Variants in THSD4 observed in about 807,000 individuals in gnomAD.
THSD4 encodes thrombospondin type 1 domain containing 4, also known as thrombospondin type-1 domain-containing protein 4.
A neutral mutation model predicts 119.0 loss-of-function variants in THSD4; 69 were observed. The observed-to-expected ratio is 0.58, with a 90% confidence interval of 0.48 to 0.71. The LOEUF (loss-of-function observed/expected upper bound fraction) is 0.71. Among genes scored for constraint, THSD4 ranks in the 30% least tolerant of loss-of-function variants. THSD4 has a pLI of 0.00. For synonymous variants in THSD4, 524 were observed against 540.4 expected (o/e 0.97, Z 0.42); for missense variants, 1,393 against 1,391.1 (o/e 1.00, Z -0.02).
intron 7 of THSD4, among the ~76,000 whole-genome samples, chr15:71,611,643 G>A (rs1244246892): frequency 6.6e-6 from 1 of 152,238 alleles, no homozygotes; most frequent in African/African-American, 2.4e-5. Context: ...GGCGATTAAT[G>A]TTATGTGCAG....
chr15:71,626,350 T>C (rs1197710462), intron 7 of THSD4, among the ~76,000 whole-genome samples: 1 of 152,226 alleles, frequency 6.6e-6, no homozygotes, highest in Admixed American at 6.5e-5. Flanking sequence ...TTATATCTTA[T>C]TGAACAACAT....
intron 6 of THSD4, among the ~76,000 whole-genome samples, chr15:71,288,510 C>A (rs1046801680): frequency 1.3e-5 from 2 of 152,064 alleles, no homozygotes; most frequent in Non-Finnish European, 2.9e-5. Context: ...GGCTGAAAGT[C>A]AAAATAAATA....
chr15:71,192,092 C>T (rs760153968), intron 3 of THSD4, among the ~76,000 whole-genome samples: 24 of 151,846 alleles, frequency 1.6e-4, no homozygotes, highest in Middle Eastern at 3.4e-3. Context: ...TTAGTAGAGA[C>T]GGGGTTTCAC....
chr15:71,198,763 G>A (rs1482791567), intron 3 of THSD4, among the ~76,000 whole-genome samples: 16 of 152,206 alleles, frequency 1.1e-4, no homozygotes, highest in Admixed American at 9.8e-4. Context: ...TTGTAGCCAT[G>A]CATGTGGGGA....
At chr15:71,521,158 C>T (rs374508494) in intron 7 of THSD4, among the ~76,000 whole-genome samples, 25 of 152,286 alleles carry the variant, frequency 1.6e-4, no homozygotes, top group African/African-American at 5.1e-4. Context: ...TCTTCCACTA[C>T]GTGATCTAAA....
In THSD4 at chr15:71,512,775, T is replaced by A. The variant is rs531162824; in HGVS notation, c.1152+100952T>A. Among the ~76,000 whole-genome samples, 5 of 152,244 alleles carry A rather than the reference T, an allele frequency of 3.3e-5. No individual in the cohort carries two copies. In the East Asian group the frequency reaches 9.6e-4, roughly 29 times the overall value. ...TTTAAGAAATAAAAAGTATCCAGTA[T>A]CCCAGCAGGACAGAGCAACTGCGTA... On this transcript the variant is annotated intron_variant, in intron 7 of 17. Coordinates refer to ENST00000261862, the MANE Select transcript of THSD4 (RefSeq NM_024817.3).
At chr15:71,490,584 T>C (rs1220491688) in intron 7 of THSD4, among the ~76,000 whole-genome samples, 2 of 115,114 alleles carry the variant, frequency 1.7e-5, no homozygotes, top group Non-Finnish European at 3.5e-5. Flanking sequence ...AAAAAAACAT[T>C]AGCCAGGCAT....
intron 6 of THSD4, among the ~76,000 whole-genome samples, chr15:71,388,890 C>G (rs1402579517): frequency 1.3e-5 from 2 of 152,198 alleles, no homozygotes; most frequent in South Asian, 2.1e-4. Flanking sequence ...TAGGAGGTGA[C>G]CCGGTGGGAG....
At chr15:71,246,852 T>C (rs1463439532) in intron 5 of THSD4, among the ~76,000 whole-genome samples, 1 of 151,912 alleles carries the variant, frequency 6.6e-6, no homozygotes, top group Non-Finnish European at 1.5e-5. Flanking sequence ...TCAGACTGTA[T>C]GTGATGGACG....
At position 71,696,366 on chromosome 15, in the gene THSD4, A is replaced by G. The variant is rs562549018; in HGVS notation, c.1358-32183A>G. The stretch of plus-strand genomic sequence containing the variant: ...CACTCTTTTGGGAACTAACCCCTTT[A>G]CACTAGGACTAATACAATCTCATCA... On this transcript the variant is annotated intron_variant, in intron 8 of 17. Coordinates refer to ENST00000261862, the MANE Select transcript of THSD4 (RefSeq NM_024817.3). 2.9e-4 allele frequency among the ~76,000 whole-genome samples: 44 copies of G among 152,274 alleles called. No individual in the cohort carries two copies. The South Asian group carries it at 7.5e-3, about 26-fold the overall frequency.
chr15:71,506,599 G>T (rs1203598741), intron 7 of THSD4, among the ~76,000 whole-genome samples: 1 of 152,208 alleles, frequency 6.6e-6, no homozygotes, highest in African/African-American at 2.4e-5. Flanking sequence ...TCAACACAAG[G>T]TTATAGAAAT....
chr15:71,146,416 G>T (rs1260918286), intron 2 of THSD4, among the ~76,000 whole-genome samples: 3 of 147,066 alleles, frequency 2.0e-5, no homozygotes, highest in Non-Finnish European at 4.5e-5. Flanking sequence ...ATTTGCAGTT[G>T]TCTCATCCAC....
intron 8 of THSD4, among the ~76,000 whole-genome samples, chr15:71,723,397 A>T (rs1299055101): frequency 6.6e-6 from 1 of 152,210 alleles, no homozygotes; most frequent in African/African-American, 2.4e-5. Context: ...TTCTTGAATT[A>T]TAAGTAAGGC....
intron 6 of THSD4, among the ~76,000 whole-genome samples, chr15:71,353,341 G>A (rs760428260): frequency 9.2e-5 from 14 of 152,180 alleles, no homozygotes; most frequent in Non-Finnish European, 1.6e-4. Context: ...GATAAAAATT[G>A]TGTCCACTTT....
chr15:71,562,032 C>A (rs756041799), intron 7 of THSD4, among the ~76,000 whole-genome samples: 1 of 152,092 alleles, frequency 6.6e-6, no homozygotes, highest in Non-Finnish European at 1.5e-5. Flanking sequence ...TCTAGTCTAA[C>A]CTACTGATTT....
chr15:71,204,563 A>T (rs985512185), intron 3 of THSD4, among the ~76,000 whole-genome samples: 1 of 152,028 alleles, frequency 6.6e-6, no homozygotes, highest in Non-Finnish European at 1.5e-5. Context: ...ATTAAGTCCA[A>T]CCAGCTCAGT....
chr15:71,680,166 T>C (rs542838484), intron 8 of THSD4, among the ~76,000 whole-genome samples: 1 of 152,276 alleles, frequency 6.6e-6, no homozygotes, highest in South Asian at 2.1e-4. Flanking sequence ...GTGGTTGCAT[T>C]TGAGATAAGC....
At chr15:71,384,775 A>G (rs1302066535) in intron 6 of THSD4, among the ~76,000 whole-genome samples, 1 of 152,226 alleles carries the variant, frequency 6.6e-6, no homozygotes, top group East Asian at 1.9e-4. Context: ...ATTTTAAATT[A>G]TCTTCAGTAA....
At chr15:71,538,629 TA>T (rs1164885365) in intron 7 of THSD4, among the ~76,000 whole-genome samples, 1 of 152,258 alleles carries the variant, frequency 6.6e-6, no homozygotes, top group African/African-American at 2.4e-5. Context: ...CAGGGCTTGT[TA>T]TAACACAAAT....
Sources: gnomAD v4.1 joint callset for allele counts (sites outside exome capture counted in the v4.1 genomes callset) on GRCh38, gnomAD v4.1.1 for gene constraint, MANE v1.5 for transcripts, NCBI Gene and HGNC (gene_info 2026-07-23, HGNC 2026-07-21) for gene names.